The following KLHL20 variants were observed in gnomAD, a reference collection of about 807,000 sequenced individuals.
KLHL20 encodes kelch like family member 20.
Under a neutral mutation model 69.5 loss-of-function variants are expected in KLHL20, and 29 were observed. The observed-to-expected ratio is 0.42, with a 90% confidence interval of 0.31 to 0.57. KLHL20 has a LOEUF of 0.57. Among genes scored for constraint, KLHL20 ranks in the 20% least tolerant of loss-of-function variants. KLHL20 has a pLI of 0.18. For synonymous variants in KLHL20, 253 were observed against 265.2 expected (o/e 0.95, Z 0.45); for missense variants, 419 against 776.0 (o/e 0.54, Z 5.47).
intron 3 of KLHL20, among the ~76,000 whole-genome samples, chr1:173,736,009 C>G (rs1672518574): frequency 6.9e-6 from 1 of 144,456 alleles, no homozygotes; most frequent in African/African-American, 2.6e-5. Context: ...CAACGGGGCT[C>G]AATCTCAGCT....
chr1:173,735,442 C>T (rs1048754819), intron 3 of KLHL20, among the ~76,000 whole-genome samples: 5 of 147,270 alleles, frequency 3.4e-5, no homozygotes, highest in Non-Finnish European at 7.5e-5. Flanking sequence ...CCAGACCAGA[C>T]CCTATCTCAA....
At chr1:173,761,707 C>G (rs1647318523) in intron 7 of KLHL20, among the ~76,000 whole-genome samples, 1 of 152,090 alleles carries the variant, frequency 6.6e-6, no homozygotes, top group African/African-American at 2.4e-5. Context: ...ATGACACAAC[C>G]TATCAAAACC....
chr1:173,741,500 G>T (rs1672806081), intron 3 of KLHL20, among the ~76,000 whole-genome samples: 1 of 152,078 alleles, frequency 6.6e-6, no homozygotes, highest in Non-Finnish European at 1.5e-5. Context: ...CTTTCTAATT[G>T]ACTAACCCAG....
chr1:173,765,917 GCTTTAA>G (rs1300314027), intron 7 of KLHL20, among the ~76,000 whole-genome samples: 1 of 151,918 alleles, frequency 6.6e-6, no homozygotes, highest in Non-Finnish European at 1.5e-5. Context: ...CTCAAGGAGG[GCTTTAA>G]CTTTATCAAT....
At chr1:173,780,823 G>A (rs573385192) in intron 10 of KLHL20, among the ~76,000 whole-genome samples, 54 of 151,866 alleles carry the variant, frequency 3.6e-4, no homozygotes, top group East Asian at 1.9e-4. Context: ...TCCACCTCCC[G>A]GGCTCAAGTG....
At chr1:173,739,112 G>C (rs1426557194) in intron 3 of KLHL20, among the ~76,000 whole-genome samples, 1 of 151,690 alleles carries the variant, frequency 6.6e-6, no homozygotes, top group African/African-American at 2.4e-5. Flanking sequence ...TTGCTCTGTC[G>C]ACCAGGCTGG....
chr1:173,748,757 T>C (rs1192771306), intron 3 of KLHL20, among the ~76,000 whole-genome samples: 3 of 148,850 alleles, frequency 2.0e-5, no homozygotes, highest in East Asian at 3.9e-4. Context: ...ATTTAAAAAA[T>C]CAGAAAAAAA....
chr1:173,745,805 G>T (rs1673033316), intron 3 of KLHL20, among the ~76,000 whole-genome samples: 1 of 152,044 alleles, frequency 6.6e-6, no homozygotes, highest in Non-Finnish European at 1.5e-5. Flanking sequence ...AATGCCTCTG[G>T]TGTTTTCCCA....
intron 3 of KLHL20, among the ~76,000 whole-genome samples, chr1:173,750,653 A>G (rs1673266736): frequency 6.6e-6 from 1 of 152,042 alleles, no homozygotes; most frequent in Non-Finnish European, 1.5e-5. Flanking sequence ...ACCTCAAGTG[A>G]TCTGCCTGCC....
intron 10 of KLHL20, among the ~76,000 whole-genome samples, chr1:173,779,882 C>T (rs577284629): frequency 6.6e-6 from 1 of 152,326 alleles, no homozygotes; most frequent in South Asian, 2.1e-4. Context: ...CCAGATCAGA[C>T]TGCCCTGGGA....
intron 8 of KLHL20, among the ~76,000 whole-genome samples, chr1:173,768,005 T>C (rs1647841122): frequency 6.6e-6 from 1 of 152,212 alleles, no homozygotes; most frequent in Non-Finnish European, 1.5e-5. Flanking sequence ...TATTTCAGAT[T>C]ATATTCTATA....
rs536088410 is a variant in KLHL20 at position 173,729,606 on chromosome 1, G to C, written c.24-4107G>C. Among the ~76,000 whole-genome samples, 88 of 152,262 alleles carry C rather than the reference G, an allele frequency of 5.8e-4. 1 individual carries two copies. Among genetic ancestry groups the C allele is most frequent in the Admixed American group, 1.6e-3 (25 of 15,296 alleles). On this transcript the variant is annotated intron_variant, in intron 2 of 11. Transcript: ENST00000209884. Reference sequence around the variant, plus strand: ...ATAAACATAATCAGTTACATAAACAGAACCAACGACAAAAACCACATGATT... The same window carrying C: ...ATAAACATAATCAGTTACATAAACACAACCAACGACAAAAACCACATGATT...
At chr1:173,748,877 CTT>C (rs1673186414) in intron 3 of KLHL20, among the ~76,000 whole-genome samples, 1 of 152,056 alleles carries the variant, frequency 6.6e-6, no homozygotes, top group Non-Finnish European at 1.5e-5. Context: ...GAGCTATACA[CTT>C]AAAATTTTTT....
intron 7 of KLHL20, among the ~76,000 whole-genome samples, chr1:173,762,008 A>G (rs1237405233): frequency 6.6e-6 from 1 of 152,218 alleles, no homozygotes; most frequent in South Asian, 2.1e-4. Context: ...GAGAAAATCC[A>G]AATAACCTCA....
intron 4 of KLHL20, among the ~76,000 whole-genome samples, chr1:173,752,461 AAAACTT>A (rs367640248): frequency 1.3e-5 from 2 of 152,230 alleles, no homozygotes; most frequent in African/African-American, 4.8e-5. Flanking sequence ...AGCACAATTC[AAAACTT>A]AAATTGTATA....
chr1:173,766,079 G>A, intron 7 of KLHL20, 67 bp from the exon 8 acceptor site: 1 of 1,245,690 alleles, frequency 8.0e-7, no homozygotes, highest in Middle Eastern at 2.0e-4. Flanking sequence ...CATGGATTTA[G>A]AATATGTAAA....
chr1:173,775,232 T>A (rs1276182285), intron 9 of KLHL20, among the ~76,000 whole-genome samples: 1 of 152,206 alleles, frequency 6.6e-6, no homozygotes, highest in Non-Finnish European at 1.5e-5. Context: ...AAATGCACTG[T>A]GCTATAGGGG....
chr1:173,716,002 G>C lies in KLHL20; in HGVS notation c.-41-1G>C. The C allele has an allele frequency of 6.2e-7, 1 of 1,605,350 alleles. No homozygotes were observed. The highest frequency in any genetic ancestry group is 8.5e-7 in the Non-Finnish European group (1 of 1,174,736). ...AAGTTCCTGCTTTTCTGTTGTCTTA[G>C]GTTCGGCTTTAGAGTGTGGTGAAGG... On this transcript the variant is annotated splice_acceptor_variant, in intron 1 of 11. Transcript: ENST00000209884. LOFTEE classifies it low-confidence loss of function (5UTR_SPLICE).
intron 2 of KLHL20, among the ~76,000 whole-genome samples, chr1:173,720,112 A>G (rs1246119830): frequency 6.6e-6 from 1 of 152,208 alleles, no homozygotes; most frequent in African/African-American, 2.4e-5. Context: ...ACAGGGCGAG[A>G]CTTCATCTCT....
Sources: allele counts gnomAD v4.1 joint callset (sites outside exome capture counted in the v4.1 genomes callset), GRCh38; gene constraint gnomAD v4.1.1; transcripts MANE v1.5; gene names NCBI Gene and HGNC (gene_info 2026-07-23, HGNC 2026-07-21).